Variants in TTF1 observed in about 807,000 individuals in gnomAD.
The protein encoded by TTF1 is transcription termination factor, RNA polymerase I.
In TTF1, 64 loss-of-function variants were observed where a neutral mutation model predicts 80.2. The ratio of observed to expected loss-of-function variants is 0.80; its 90% confidence interval spans 0.65 to 0.98. TTF1 has a LOEUF of 0.98. Ranked by LOEUF, TTF1 falls within the 50% of genes least tolerant of loss-of-function variation. The pLI, the probability that TTF1 is intolerant of heterozygous loss-of-function variation, is 0.00. For synonymous variants in TTF1, 372 were observed against 382.7 expected, an observed-to-expected ratio of 0.97 and a Z score of 0.33; for missense variants, 1,023 against 1,086.2, an observed-to-expected ratio of 0.94 and a Z score of 0.82.
At chr9:132,401,399 G>T in intron 2 of TTF1, 56 bp downstream of exon 2, 2 of 1,520,458 alleles carry the variant, frequency 1.3e-6, no homozygotes, top group South Asian at 2.6e-5. Flanking sequence ...AAGAGGTATC[G>T]GCAGAATCCA....
rs1849161815 is a variant in TTF1 at position 132,375,809 on chromosome 9, A to G, written c.*106T>C. The G allele has an allele frequency of 1.5e-6, 1 of 683,462 alleles. No homozygotes were observed. Among genetic ancestry groups the G allele is most frequent in the Non-Finnish European group, 2.4e-6 (1 of 411,352 alleles). The allele number at this position is 683,462 out of a possible 1,614,324, so 42.3% of individuals were successfully genotyped here. On this transcript the variant is annotated 3_prime_UTR_variant, in exon 11 of 11. Coordinates refer to ENST00000334270, the MANE Select transcript of TTF1 (RefSeq NM_007344.4). ...GCAATTCTCCTGCCTCAGCCTCCCAAGTAGTTGAAATTACAGGTGTGCACT... is the reference window on the plus strand; with the variant it reads ...GCAATTCTCCTGCCTCAGCCTCCCAGGTAGTTGAAATTACAGGTGTGCACT...
At chr9:132,378,536 G>A (rs1406728212) in intron 10 of TTF1, among the ~76,000 whole-genome samples, 2 of 137,494 alleles carry the variant, frequency 1.5e-5, no homozygotes, top group African/African-American at 5.5e-5. Context: ...TGCATGTGGT[G>A]TGAGTGCATG....
In TTF1 at chr9:132,375,961, G is replaced by C; in HGVS notation, c.2672C>G (p.Ala891Gly). 1 of 1,610,898 alleles carries C rather than the reference G, an allele frequency of 6.2e-7. No homozygotes were observed. The highest frequency in any genetic ancestry group is 8.5e-7 in the Non-Finnish European group (1 of 1,178,764). Residue 891 changes from alanine to glycine, a missense_variant, in exon 11 of 11, where the codon GCC becomes GGC. Coordinates refer to ENST00000334270, the MANE Select transcript of TTF1 (RefSeq NM_007344.4). ...SEGQAPCMAH[A>G]CNSSTLGGQG... ...GCCTCCCAAAGTACTGGAATTACAG[G>C]CGTGAGCCATGCATGGCGCCTGGCC...
intron 5 of TTF1, 121 bp downstream of exon 5, chr9:132,396,312 G>C (rs769562768): frequency 8.8e-5 from 87 of 987,494 alleles, no homozygotes; most frequent in Non-Finnish European, 1.3e-4. Context: ...ACACCACCTG[G>C]TTTCACACAC....
intron 9 of TTF1, among the ~76,000 whole-genome samples, chr9:132,382,095 A>G (rs1382835853): frequency 6.6e-6 from 1 of 152,256 alleles, no homozygotes; most frequent in Non-Finnish European, 1.5e-5. Flanking sequence ...TCCCTTGCGT[A>G]GCAAGCAGTA....
intron 6 of TTF1, among the ~76,000 whole-genome samples, chr9:132,391,111 C>T (rs765189098): frequency 5.3e-5 from 8 of 152,174 alleles, no homozygotes; most frequent in Non-Finnish European, 7.3e-5. Context: ...TTTCTGAGAA[C>T]GTCTCCCGCA....
chr9:132,378,306 T>C lies in TTF1; in HGVS notation c.2464+753A>G, dbSNP rs1385867372. 8.1e-4 allele frequency among the ~76,000 whole-genome samples: 102 copies of C among 125,256 alleles called. 1 individual carries two copies. Among genetic ancestry groups the C allele is most frequent in the Admixed American group, 2.5e-3 (30 of 12,136 alleles). The allele number at this position is 125,256 out of a possible 152,430, so 82.2% of individuals were successfully genotyped here. On this transcript the variant is annotated intron_variant, in intron 10 of 10. Coordinates refer to ENST00000334270, the MANE Select transcript of TTF1 (RefSeq NM_007344.4). The stretch of plus-strand genomic sequence containing the variant: ...ATGCATGTGGTGAGTGCATGTGGTG[T>C]GTGTGAGTGCATGTGGTGTGTGTGT...
intron 10 of TTF1, among the ~76,000 whole-genome samples, chr9:132,378,253 GGTGT>G (rs1178192826): frequency 1.8e-4 from 20 of 112,384 alleles, no homozygotes; most frequent in South Asian, 2.9e-4. Context: ...GAGTGCATGT[GGTGT>G]GTGTGAGTGC....
At chr9:132,391,294 C>T (rs1403367796) in intron 6 of TTF1, among the ~76,000 whole-genome samples, 1 of 152,186 alleles carries the variant, frequency 6.6e-6, no homozygotes, top group African/African-American at 2.4e-5. Flanking sequence ...AGCCAGTTAT[C>T]TGTGGCGGAT....
Position 132,400,076 on chromosome 9 carries a change from T to A in TTF1, c.1550A>T (p.Tyr517Phe), listed in dbSNP as rs1315454781. The change falls in exon 3 of 11, where the codon TAC becomes TTC. Residue 517 changes from tyrosine (Y) to phenylalanine (F), a missense_variant. Coordinates refer to ENST00000334270, the MANE Select transcript of TTF1 (RefSeq NM_007344.4). Reference sequence around the variant, plus strand: ...CTTAAACCGTTCCAAGTCGTCCCGGTACATCCGCTTGATTGTGCTGGTGGC... The same window carrying A: ...CTTAAACCGTTCCAAGTCGTCCCGGAACATCCGCTTGATTGTGCTGGTGGC... ...DRATSTIKRM[Y>F]RDDLERFKEF... 6.2e-7 allele frequency: 1 copy of A among 1,614,246 alleles called. No individual in the cohort carries two copies. The highest frequency in any genetic ancestry group is 8.5e-7 in the Non-Finnish European group (1 of 1,180,052).
Position 132,400,183 on chromosome 9 carries a change from T to G in TTF1, c.1443A>C (p.Ser481=). Residue 481 remains serine, a synonymous_variant, in exon 3 of 11, where the codon TCA becomes TCC. Coordinates refer to ENST00000334270, the MANE Select transcript of TTF1 (RefSeq NM_007344.4). The stretch of plus-strand genomic sequence containing the variant: ...CCGCATCTGAATCATCGGCATCTCC[T>G]GAATCTGCAGATAAGTATCTTATTT... ...DSEIRYLSAD[S]GDADDSDADL... 6.2e-7 allele frequency: 1 copy of G among 1,614,232 alleles called. No individual in the cohort carries two copies. Among genetic ancestry groups the G allele is most frequent in the Non-Finnish European group, 8.5e-7 (1 of 1,180,038 alleles).
intron 5 of TTF1, among the ~76,000 whole-genome samples, chr9:132,394,514 A>G (rs902836601): frequency 4.0e-5 from 6 of 150,186 alleles, no homozygotes; most frequent in African/African-American, 1.5e-4. Flanking sequence ...TCCTGACCTC[A>G]AGTGATCCGC....
chr9:132,378,438 ATGCATGTGGTGTGAG>A (rs1589814810), intron 10 of TTF1, among the ~76,000 whole-genome samples: 1 of 33,320 alleles, frequency 3.0e-5, no homozygotes, highest in Non-Finnish European at 4.8e-5. Context: ...TGGTGTGTGA[ATGCATGTGGTGTGAG>A]TGCATGTGGT....
At chr9:132,381,666 G>C (rs1169416217) in intron 9 of TTF1, among the ~76,000 whole-genome samples, 1 of 152,158 alleles carries the variant, frequency 6.6e-6, no homozygotes, top group Non-Finnish European at 1.5e-5. Flanking sequence ...CCTCAGATGA[G>C]CTAGAAAAGA....
chr9:132,382,280 A>G (rs1334638316), intron 9 of TTF1, among the ~76,000 whole-genome samples: 1 of 152,230 alleles, frequency 6.6e-6, no homozygotes, highest in Non-Finnish European at 1.5e-5. Context: ...AAGGAAACTG[A>G]CAGAAGCTTA....
In TTF1 at chr9:132,376,070, C is replaced by T. The variant is rs751693626; in HGVS notation, c.2563G>A (p.Ala855Thr). 1.2e-6 allele frequency: 2 copies of T among 1,614,098 alleles called. No homozygotes were observed. Among genetic ancestry groups the T allele is most frequent in the Non-Finnish European group, 1.7e-6 (2 of 1,180,048 alleles). The stretch of plus-strand genomic sequence containing the variant: ...CGAAATGGGAAAACTTGCTTGGGTG[C>T]TGCAGGAGTCTGGATTTTAGTGCCT... ...KKGTKIQTPA[A>T]PKQVFPFRDI... Residue 855 changes from alanine (A) to threonine (T), a missense_variant, in exon 11 of 11, where the codon GCA becomes ACA. Transcript: ENST00000334270.
At chr9:132,388,526 A>C (rs1849510265) in intron 7 of TTF1, among the ~76,000 whole-genome samples, 1 of 152,032 alleles carries the variant, frequency 6.6e-6, no homozygotes. Flanking sequence ...TTTTCAGTAG[A>C]GACAGGGTTT....
Position 132,392,195 on chromosome 9 carries a change from C to T in TTF1, c.1868G>A (p.Gly623Glu), listed in dbSNP as rs1213621347. Residue 623 changes from glycine to glutamate, a missense_variant, in exon 6 of 11, where the codon GGA becomes GAA. Physicochemically the swap from Gly to Glu is moderately conservative, Grantham distance 98. Transcript: ENST00000334270. ...VNNYKGRYSEGDTEKLKMYHS... is the reference protein window; with the variant it reads ...VNNYKGRYSEEDTEKLKMYHS... ...GTACATCTTTAACTTCTCAGTATCTCCTTCGCTATACCTAGGAGAAAGGGA... is the reference window on the plus strand; with the variant it reads ...GTACATCTTTAACTTCTCAGTATCTTCTTCGCTATACCTAGGAGAAAGGGA... The T allele has an allele frequency of 6.2e-7, 1 of 1,614,134 alleles. No individual in the cohort carries two copies. The highest frequency in any genetic ancestry group is 2.2e-5 in the East Asian group (1 of 44,880).
At chr9:132,394,285 T>C (rs770130907) in intron 5 of TTF1, among the ~76,000 whole-genome samples, 2 of 151,726 alleles carry the variant, frequency 1.3e-5, no homozygotes, top group Admixed American at 6.6e-5. Flanking sequence ...TATTCTTCAC[T>C]ATTTTTTTTT....
Sources: allele counts gnomAD v4.1 joint callset (sites outside exome capture counted in the v4.1 genomes callset), GRCh38; gene constraint gnomAD v4.1.1; transcripts MANE v1.5; gene names NCBI Gene and HGNC (gene_info 2026-07-23, HGNC 2026-07-21).